NUB1: variants seen among roughly 807,000 people sequenced by gnomAD.
NUB1 encodes NEDD8 ultimate buster 1.
In NUB1, 41 loss-of-function variants were observed where a neutral mutation model predicts 77.1. That is an observed-to-expected ratio of 0.53 (90% CI 0.41 to 0.69). The LOEUF (loss-of-function observed/expected upper bound fraction) is 0.69. Among genes scored for constraint, NUB1 ranks in the 30% least tolerant of loss-of-function variants. The pLI is 0.00. For synonymous variants in NUB1, 257 were observed against 281.0 expected (o/e 0.91, Z 0.85); for missense variants, 643 against 743.8 (o/e 0.86, Z 1.58).
intron 4 of NUB1, chr7:151,352,466 C>T (rs986902814): frequency 3.2e-5 from 9 of 281,798 alleles, no homozygotes; most frequent in South Asian, 3.0e-4. Context: ...TTTTTAGAGA[C>T]AGGATCTTGC....
At chr7:151,367,583 C>T (rs541398116) in intron 9 of NUB1, among the ~76,000 whole-genome samples, 1 of 152,320 alleles carries the variant, frequency 6.6e-6, no homozygotes, top group Admixed American at 6.5e-5. Flanking sequence ...GTTTGGATTT[C>T]TGCATACTTC....
intron 7 of NUB1, among the ~76,000 whole-genome samples, chr7:151,359,502 G>A (rs1797265516): frequency 6.8e-6 from 1 of 146,390 alleles, no homozygotes; most frequent in South Asian, 2.1e-4. Context: ...CAAGCAGCCG[G>A]GCACCGTGGC....
At chr7:151,355,697 C>T in intron 5 of NUB1, 71 bp from the exon 6 acceptor site, 1 of 1,371,136 alleles carries the variant, frequency 7.3e-7, no homozygotes, top group Non-Finnish European at 9.8e-7. Flanking sequence ...TTCCATTTAA[C>T]ATAGAAAATG....
At chr7:151,376,595 G>C in intron 13 of NUB1, 39 bp from the exon 14 acceptor site, 1 of 1,549,622 alleles carries the variant, frequency 6.5e-7, no homozygotes, top group Non-Finnish European at 8.8e-7. Context: ...CAGAAGAGGC[G>C]CCAGGGGCTG....
chr7:151,346,584 G>T (rs10252799), intron 2 of NUB1, among the ~76,000 whole-genome samples: 23,939 of 152,162 alleles, frequency 0.16, 2,428 homozygotes, highest in African/African-American at 0.29. Context: ...AATCAGGCCT[G>T]CATAATGAAA....
At chr7:151,351,220 C>T (rs937339254) in intron 3 of NUB1, 6 of 548,370 alleles carry the variant, frequency 1.1e-5, no homozygotes, top group African/African-American at 3.9e-5. Flanking sequence ...GGTGGTGCCA[C>T]GCTGCCGCCC....
chr7:151,364,907 AGT>A (rs1797591593), intron 8 of NUB1, among the ~76,000 whole-genome samples: 1 of 152,098 alleles, frequency 6.6e-6, no homozygotes, highest in Admixed American at 6.6e-5. Context: ...AAAATGTAAC[AGT>A]GTTGAATATT....
chr7:151,365,903 T>C (rs1236507297), intron 8 of NUB1, among the ~76,000 whole-genome samples: 1 of 152,146 alleles, frequency 6.6e-6, no homozygotes, highest in African/African-American at 2.4e-5. Context: ...TTTTTTTTAT[T>C]CCATGCATAT....
At chr7:151,353,931 C>T (rs1173195349) in intron 5 of NUB1, among the ~76,000 whole-genome samples, 1 of 152,160 alleles carries the variant, frequency 6.6e-6, no homozygotes. Context: ...TTGCCTCATC[C>T]CTCTGTTAAT....
chr7:151,355,887 G>T lies in NUB1; in HGVS notation c.535G>T (p.Ala179Ser). The T allele has an allele frequency of 6.2e-7, 1 of 1,613,758 alleles. No individual in the cohort carries two copies. Among genetic ancestry groups the T allele is most frequent in the Admixed American group, 1.7e-5 (1 of 59,990 alleles). The change falls in exon 6 of 15, where the codon GCC becomes TCC. Residue 179 changes from alanine (A) to serine (S), a missense_variant. By Grantham distance (99) the Ala-to-Ser change is moderately conservative. Coordinates refer to ENST00000568733, the MANE Select transcript of NUB1 (RefSeq NM_001243351.2). ...GTTAGAGGAAGAGGAGCAAAATGAGGCCAAACTCAAAGAAAAACAAATTCA... is the reference window on the plus strand; with the variant it reads ...GTTAGAGGAAGAGGAGCAAAATGAGTCCAAACTCAAAGAAAAACAAATTCA... ...FQLEEEEQNE[A>S]KLKEKQIQRT...
In NUB1 at chr7:151,344,816, A is replaced by G. The variant is rs771341081; in HGVS notation, c.-2-532A>G. ...GGAATTCGAGACCAGCCTGGCCAAC[A>G]TGGCGAAACCCCGTCTCTACTAAAA... On this transcript the variant is annotated intron_variant, in intron 1 of 14. Coordinates refer to ENST00000568733, the MANE Select transcript of NUB1 (RefSeq NM_001243351.2). Among the ~76,000 whole-genome samples, 10 of 152,200 alleles carry G rather than the reference A, an allele frequency of 6.6e-5. 1 individual carries two copies. The Middle Eastern group carries it at 0.01, about 155-fold the overall frequency.
chr7:151,356,701 T>C (rs887790574), intron 7 of NUB1, among the ~76,000 whole-genome samples: 3 of 137,496 alleles, frequency 2.2e-5, no homozygotes, highest in African/African-American at 7.9e-5. Context: ...ATCTTAAACA[T>C]ATCTGTGGGT....
chr7:151,351,520 G>A (rs1460365497), intron 4 of NUB1, 38 bp downstream of exon 4: 1 of 1,489,890 alleles, frequency 6.7e-7, no homozygotes, highest in Non-Finnish European at 9.3e-7. Flanking sequence ...GGTGCTCTGG[G>A]CCTTTTTACA....
chr7:151,362,003 A>AT (rs759092557), intron 8 of NUB1, among the ~76,000 whole-genome samples: 161 of 152,320 alleles, frequency 1.1e-3, no homozygotes, highest in Non-Finnish European at 1.9e-3. Context: ...ATGAGCTTCC[A>AT]TATACACTCA....
intron 11 of NUB1, among the ~76,000 whole-genome samples, chr7:151,370,639 C>G (rs1441415932): frequency 7.3e-5 from 11 of 151,556 alleles, no homozygotes; most frequent in Non-Finnish European, 1.5e-4. Context: ...GTGCGCTGCA[C>G]CCATTAACTC....
In NUB1 at chr7:151,356,198, C is replaced by T. The variant is rs1412096847; in HGVS notation, c.669C>T (p.Ile223=). ...LDIANQTGRS[I]RIPPSERKAL... is the part of the protein sequence containing the mutation. ...TAGCTAACCAGACAGGCAGATCAAT[C>T]AGAATTCCCCCATCAGAAAGAAAAG... The change falls in exon 7 of 15, where the codon ATC becomes ATT. Residue 223 remains isoleucine (I), a synonymous_variant. Transcript: ENST00000568733. 2.5e-6 allele frequency: 4 copies of T among 1,612,658 alleles called. No homozygotes were observed. The highest frequency in any genetic ancestry group is 1.7e-6 in the Non-Finnish European group (2 of 1,178,828).
intron 8 of NUB1, 95 bp from the exon 9 acceptor site, chr7:151,366,843 CG>C: frequency 1.1e-6 from 1 of 951,842 alleles, no homozygotes; most frequent in Non-Finnish European, 1.5e-6. Flanking sequence ...ATACCAAGAA[CG>C]GGGAAAGAAT....
rs546706577 is a variant in NUB1 at position 151,372,537 on chromosome 7, T to C, written c.1249-1560T>C. ...TATTGAAAGCAGAGGATGGGGCCAG[T>C]AAAGGCATTTTACATGGAGTATGTG... On this transcript the variant is annotated intron_variant, in intron 11 of 14. Transcript: ENST00000568733. 7.2e-5 allele frequency among the ~76,000 whole-genome samples: 11 copies of C among 152,250 alleles called. No homozygotes were observed. In the East Asian group the frequency reaches 1.7e-3, roughly 24 times the overall value.
intron 6 of NUB1, 84 bp downstream of exon 6, chr7:151,356,034 T>C: frequency 6.4e-7 from 1 of 1,551,302 alleles, no homozygotes; most frequent in Admixed American, 1.7e-5. Flanking sequence ...TGGCTCTCAC[T>C]GAGTCTCACC....
Sources: allele counts gnomAD v4.1 joint callset (sites outside exome capture counted in the v4.1 genomes callset), GRCh38; gene constraint gnomAD v4.1.1; transcripts MANE v1.5; gene names NCBI Gene and HGNC (gene_info 2026-07-23, HGNC 2026-07-21).